CSMD2: variants seen among roughly 807,000 people sequenced by gnomAD.
CSMD2 encodes CUB and Sushi multiple domains 2.
CSMD2 carries 130 observed loss-of-function variants against 398.5 expected under a neutral mutation model. That is an observed-to-expected ratio of 0.33 (90% CI 0.28 to 0.38). The LOEUF (loss-of-function observed/expected upper bound fraction) is 0.38, where lower values mean the gene tolerates loss of function less well. CSMD2 is among the 10% of genes least tolerant of loss of function. The pLI, the probability that CSMD2 is intolerant of heterozygous loss-of-function variation, is 1.00. For missense variants in CSMD2, 3,829 were observed against 4,764.9 expected, an observed-to-expected ratio of 0.80 and a Z score of 5.78; for synonymous variants, 1,828 against 1,908.5, an observed-to-expected ratio of 0.96 and a Z score of 1.10.
intron 3 of CSMD2, among the ~76,000 whole-genome samples, chr1:33,992,098 G>T (rs1646572925): frequency 6.6e-6 from 1 of 152,188 alleles, no homozygotes; most frequent in African/African-American, 2.4e-5. Flanking sequence ...AGAGGGTAGG[G>T]GAATCAACCC....
At chr1:33,774,884 C>T (rs916209539) in intron 12 of CSMD2, among the ~76,000 whole-genome samples, 8 of 152,190 alleles carry the variant, frequency 5.3e-5, no homozygotes, top group Admixed American at 3.9e-4. Context: ...CACCCACTTA[C>T]GAACAATGCA....
intron 22 of CSMD2, among the ~76,000 whole-genome samples, chr1:33,708,679 G>GT (rs1171474747): frequency 6.6e-6 from 1 of 151,418 alleles, no homozygotes; most frequent in Admixed American, 6.6e-5. Context: ...ATGGCTCACT[G>GT]TAACCTCAAC....
intron 2 of CSMD2, among the ~76,000 whole-genome samples, chr1:34,070,026 A>G (rs982568752): frequency 6.6e-6 from 1 of 152,196 alleles, no homozygotes; most frequent in African/African-American, 2.4e-5. Context: ...TGATCAATCA[A>G]ACAAAGAAAA....
At chr1:34,105,132 A>AT (rs886603948) in intron 1 of CSMD2, among the ~76,000 whole-genome samples, 15 of 151,584 alleles carry the variant, frequency 9.9e-5, no homozygotes, top group South Asian at 4.2e-4. Flanking sequence ...GATGTGCACT[A>AT]TTTTTTTTTA....
At chr1:33,709,718 G>A (rs922388501) in intron 21 of CSMD2, among the ~76,000 whole-genome samples, 1 of 152,124 alleles carries the variant, frequency 6.6e-6, no homozygotes, top group African/African-American at 2.4e-5. Context: ...CATCATAATC[G>A]CTAACCCTTA....
chr1:34,109,067 G>T (rs904980422), intron 1 of CSMD2, among the ~76,000 whole-genome samples: 14 of 152,148 alleles, frequency 9.2e-5, no homozygotes, highest in African/African-American at 3.1e-4. Context: ...TCATTCCTCT[G>T]ACAGCTTCAG....
intron 2 of CSMD2, among the ~76,000 whole-genome samples, chr1:34,062,443 A>C (rs1654620028): frequency 6.6e-6 from 1 of 152,220 alleles, no homozygotes; most frequent in Admixed American, 6.5e-5. Context: ...TAAAACAGAC[A>C]AGCCAGGAAG....
At chr1:33,964,305 G>T (rs1645478999) in intron 3 of CSMD2, among the ~76,000 whole-genome samples, 1 of 152,180 alleles carries the variant, frequency 6.6e-6, no homozygotes, top group South Asian at 2.1e-4. Flanking sequence ...CTGCCTCACA[G>T]GGCTATTGTG....
At position 33,970,544 on chromosome 1, in the gene CSMD2, C is replaced by A. The variant is rs181421396; in HGVS notation, c.518-34590G>T. On this transcript the variant is annotated intron_variant, in intron 3 of 70. Coordinates refer to ENST00000373381, the MANE Select transcript of CSMD2 (RefSeq NM_001281956.2). The stretch of plus-strand genomic sequence containing the variant: ...CAGGTGCTCTCCTGGCACATTCCTG[C>A]CCCCCACCCTTCCTGGCAGGAAAGA... Among the ~76,000 whole-genome samples the A allele has an allele frequency of 3.1e-4, 47 of 152,248 alleles. No individual in the cohort carries two copies. The East Asian group carries it at 6.0e-3, about 19-fold the overall frequency.
At chr1:33,925,207 A>G (rs1024600348) in intron 4 of CSMD2, among the ~76,000 whole-genome samples, 1 of 152,114 alleles carries the variant, frequency 6.6e-6, no homozygotes, top group African/African-American at 2.4e-5. Flanking sequence ...TCTCTAATTC[A>G]TTTTAAGTTG....
intron 3 of CSMD2, among the ~76,000 whole-genome samples, chr1:33,970,711 G>A (rs965689348): frequency 1.3e-5 from 2 of 152,180 alleles, no homozygotes; most frequent in African/African-American, 4.8e-5. Context: ...GGGCCCCTGG[G>A]GAGGGGCCCC....
chr1:33,820,825 C>T (rs894907132), intron 7 of CSMD2, among the ~76,000 whole-genome samples: 2 of 151,600 alleles, frequency 1.3e-5, no homozygotes, highest in African/African-American at 4.9e-5. Flanking sequence ...TCCATGCCAA[C>T]CACCACCTGC....
intron 53 of CSMD2, among the ~76,000 whole-genome samples, chr1:33,560,826 C>A (rs1658470435): frequency 6.6e-6 from 1 of 152,208 alleles, no homozygotes; most frequent in Non-Finnish European, 1.5e-5. Flanking sequence ...GGTGTATGTA[C>A]CAGTGCCTGA....
chr1:33,929,101 C>T (rs1405191795), intron 4 of CSMD2, among the ~76,000 whole-genome samples: 1 of 152,162 alleles, frequency 6.6e-6, no homozygotes, highest in Non-Finnish European at 1.5e-5. Flanking sequence ...GGCATCCCCA[C>T]CCACCAGCCC....
At chr1:34,043,133 C>T (rs180792717) in intron 2 of CSMD2, among the ~76,000 whole-genome samples, 330 of 152,140 alleles carry the variant, frequency 2.2e-3, no homozygotes, top group African/African-American at 7.5e-3. Flanking sequence ...ACAGTATTAG[C>T]CAGGATGGTC....
intron 3 of CSMD2, among the ~76,000 whole-genome samples, chr1:33,942,476 C>T (rs1644706706): frequency 6.6e-6 from 1 of 152,262 alleles, no homozygotes; most frequent in Non-Finnish European, 1.5e-5. Flanking sequence ...GGATGCCACC[C>T]ACAACTAGTC....
At chr1:33,809,696 A>C (rs1455970374) in intron 10 of CSMD2, among the ~76,000 whole-genome samples, 1 of 151,686 alleles carries the variant, frequency 6.6e-6, no homozygotes, top group Non-Finnish European at 1.5e-5. Context: ...AGGCAAGAAA[A>C]TAAAAAAGAA....
In CSMD2 at chr1:33,854,441, C is replaced by A. The variant is rs796768692; in HGVS notation, c.921-7445G>T. Among the ~76,000 whole-genome samples the A allele has an allele frequency of 2.0e-5, 3 of 152,312 alleles. No individual in the cohort carries two copies. In the South Asian group the frequency reaches 6.2e-4, roughly 32 times the overall value. On this transcript the variant is annotated intron_variant, in intron 5 of 70. Transcript: ENST00000373381. The stretch of plus-strand genomic sequence containing the variant: ...GAGAAAGAGGCAGTGAGCAGGTGAG[C>A]CAGGGAATAGGAGGGAGGGCCTCCA...
At chr1:33,540,763 CATT>C in intron 59 of CSMD2, 65 bp from the exon 60 acceptor site, 8 of 1,574,144 alleles carry the variant, frequency 5.1e-6, no homozygotes, top group Non-Finnish European at 7.0e-6. Flanking sequence ...CCGTCACCAT[CATT>C]GATATCACCG....
Sources: gnomAD v4.1 joint callset for allele counts (sites outside exome capture counted in the v4.1 genomes callset) on GRCh38, gnomAD v4.1.1 for gene constraint, MANE v1.5 for transcripts, NCBI Gene and HGNC (gene_info 2026-07-23, HGNC 2026-07-21) for gene names.